The following DLG1 variants were observed in gnomAD, a reference collection of about 807,000 sequenced individuals.
The protein encoded by DLG1 is disks large homolog 1.
DLG1 carries 42 observed loss-of-function variants against 123.4 expected under a neutral mutation model. That is an observed-to-expected ratio of 0.34 (90% CI 0.27 to 0.44). The LOEUF (loss-of-function observed/expected upper bound fraction) is 0.44, where lower values mean the gene tolerates loss of function less well. DLG1 is among the 20% of genes least tolerant of loss of function. The pLI is 1.00. For synonymous variants in DLG1, 317 were observed against 356.2 expected (o/e 0.89, Z 1.24); for missense variants, 942 against 1,082.6 (o/e 0.87, Z 1.82).
intron 23 of DLG1, among the ~76,000 whole-genome samples, chr3:197,055,678 A>AG (rs891428435): frequency 3.2e-4 from 49 of 152,096 alleles, no homozygotes; most frequent in African/African-American, 1.1e-3. Flanking sequence ...CCAAAAGGGG[A>AG]GGGGGAAAAA....
intron 12 of DLG1, among the ~76,000 whole-genome samples, chr3:197,116,351 GTAT>G (rs1773288394): frequency 6.6e-6 from 1 of 152,036 alleles, no homozygotes. Context: ...AAATTTAAAA[GTAT>G]TATAAGAGCT....
chr3:197,227,465 ACTCCAT>A (rs749223841), intron 4 of DLG1, among the ~76,000 whole-genome samples: 19 of 150,884 alleles, frequency 1.3e-4, no homozygotes, highest in Non-Finnish European at 2.1e-4. Context: ...ACAGAGTGAG[ACTCCAT>A]CTCAAAAAAA....
chr3:197,115,031 C>T (rs1436416878), intron 13 of DLG1, among the ~76,000 whole-genome samples: 1 of 138,640 alleles, frequency 7.2e-6, no homozygotes, highest in Non-Finnish European at 1.6e-5. Flanking sequence ...CTATGAAGAG[C>T]AAGACAGTCC....
intron 3 of DLG1, among the ~76,000 whole-genome samples, chr3:197,294,657 CAAAAAAAA>C (rs71926647): frequency 1.3e-5 from 1 of 79,124 alleles, no homozygotes; most frequent in Non-Finnish European, 2.4e-5. Flanking sequence ...GACTCTGCCT[CAAAAAAAA>C]AAAAAAAAAA....
At chr3:197,050,382 C>A (rs78541075) in intron 24 of DLG1, among the ~76,000 whole-genome samples, 7 of 150,454 alleles carry the variant, frequency 4.7e-5, no homozygotes, top group Admixed American at 1.3e-4. Flanking sequence ...AAAACAACAA[C>A]AAAAAAAACC....
At chr3:197,289,060 T>C (rs1336109437) in intron 3 of DLG1, among the ~76,000 whole-genome samples, 1 of 152,180 alleles carries the variant, frequency 6.6e-6, no homozygotes, top group Non-Finnish European at 1.5e-5. Flanking sequence ...GATTCTATAA[T>C]TACGTGTTTT....
intron 13 of DLG1, among the ~76,000 whole-genome samples, chr3:197,108,521 AGTTT>A (rs1324125610): frequency 9.8e-5 from 15 of 152,340 alleles, no homozygotes; most frequent in African/African-American, 3.4e-4. Context: ...TAGTTTCAGT[AGTTT>A]ATGTCTTTCT....
At chr3:197,081,867 T>C (rs1330232811) in intron 16 of DLG1, among the ~76,000 whole-genome samples, 1 of 152,206 alleles carries the variant, frequency 6.6e-6, no homozygotes, top group Admixed American at 6.5e-5. Context: ...AAACAAGTTT[T>C]TATGTAGATT....
At chr3:197,074,858 T>TA (rs1295071138) in intron 18 of DLG1, among the ~76,000 whole-genome samples, 3 of 152,114 alleles carry the variant, frequency 2.0e-5, no homozygotes, top group Non-Finnish European at 2.9e-5. Flanking sequence ...AAAAATGTCT[T>TA]ATGTAAAATT....
chr3:197,072,518 T>C (rs937653687), intron 18 of DLG1, among the ~76,000 whole-genome samples: 8 of 152,138 alleles, frequency 5.3e-5, no homozygotes, highest in African/African-American at 1.4e-4. Context: ...ATTTTTTATA[T>C]GCTTATTTCA....
At chr3:197,274,726 A>G (rs779540281) in intron 4 of DLG1, among the ~76,000 whole-genome samples, 13 of 152,250 alleles carry the variant, frequency 8.5e-5, no homozygotes, top group Admixed American at 3.3e-4. Context: ...AATTTATCTG[A>G]CAAGTATTAA....
chr3:197,100,985 C>T (rs1763130969), intron 14 of DLG1, among the ~76,000 whole-genome samples: 2 of 152,160 alleles, frequency 1.3e-5, no homozygotes, highest in Admixed American at 1.3e-4. Flanking sequence ...TCCCTCCTTC[C>T]TTTCCCTACT....
chr3:197,280,293 A>T (rs1314850832), intron 4 of DLG1, among the ~76,000 whole-genome samples: 2 of 151,978 alleles, frequency 1.3e-5, no homozygotes, highest in African/African-American at 2.4e-5. Flanking sequence ...TGTTGCTGCA[A>T]ATGACAGGAT....
intron 16 of DLG1, chr3:197,085,280 T>C (rs1047959474): frequency 5.4e-6 from 2 of 368,238 alleles, no homozygotes; most frequent in African/African-American, 2.1e-5. Flanking sequence ...CTATTACCTG[T>C]AGTTGCCATG....
At position 197,251,590 on chromosome 3, in the gene DLG1, A is replaced by G. The variant is rs185807110; in HGVS notation, c.318+31089T>C. 7.9e-5 allele frequency among the ~76,000 whole-genome samples: 12 copies of G among 152,308 alleles called. 1 individual carries two copies. The highest frequency in any genetic ancestry group is 7.8e-4 in the Admixed American group (12 of 15,298). On this transcript the variant is annotated intron_variant, in intron 4 of 24. Transcript: ENST00000667157. ...GGGAACACTGGATATCCATATGCAT[A>G]AGAATGAATGAATGAATGATTTTTT... is the stretch of plus-strand genomic sequence containing the variant.
At chr3:197,198,317 G>A (rs1254419949) in intron 4 of DLG1, among the ~76,000 whole-genome samples, 2 of 151,838 alleles carry the variant, frequency 1.3e-5, no homozygotes, top group Non-Finnish European at 1.5e-5. Flanking sequence ...GTCAAACCCC[G>A]TCTCTACTCA....
At chr3:197,093,818 T>G (rs767313100) in intron 14 of DLG1, among the ~76,000 whole-genome samples, 2 of 152,166 alleles carry the variant, frequency 1.3e-5, no homozygotes, top group Non-Finnish European at 2.9e-5. Context: ...GATGCCTGCA[T>G]CCCACATGCT....
At chr3:197,138,178 CAG>C in intron 9 of DLG1, 42 bp downstream of exon 9, 1 of 1,262,266 alleles carries the variant, frequency 7.9e-7, no homozygotes, top group Non-Finnish European at 1.1e-6. Context: ...ATATTTAACT[CAG>C]AGATTTCTTA....
At chr3:197,142,515 T>C (rs1788536209) in intron 7 of DLG1, among the ~76,000 whole-genome samples, 2 of 152,232 alleles carry the variant, frequency 1.3e-5, no homozygotes, top group Non-Finnish European at 2.9e-5. Context: ...TCTAAAACTA[T>C]TGTAAAATAA....
Sources: gnomAD v4.1 joint callset for allele counts (sites outside exome capture counted in the v4.1 genomes callset) on GRCh38, gnomAD v4.1.1 for gene constraint, MANE v1.5 for transcripts, NCBI Gene and HGNC (gene_info 2026-07-23, HGNC 2026-07-21) for gene names.